The following TXNRD1 variants were observed in gnomAD, a reference collection of about 807,000 sequenced individuals.
TXNRD1 encodes thioredoxin reductase 1.
In TXNRD1, 57 loss-of-function variants were observed where a neutral mutation model predicts 80.3. The observed-to-expected ratio is 0.71, with a 90% CI of 0.57 to 0.89. TXNRD1 has a LOEUF of 0.89. Ranked by LOEUF, TXNRD1 falls within the 40% of genes least tolerant of loss-of-function variation. TXNRD1 has a pLI of 0.00. For synonymous variants in TXNRD1, 291 were observed against 285.2 expected (o/e 1.02, Z -0.20); for missense variants, 730 against 803.0 (o/e 0.91, Z 1.10).
intron 5 of TXNRD1, among the ~76,000 whole-genome samples, chr12:104,311,867 G>C (rs1218782979): frequency 1.3e-5 from 2 of 152,092 alleles, no homozygotes; most frequent in Non-Finnish European, 2.9e-5. Context: ...TGTAATCCCA[G>C]TTACTTGGGA....
intron 3 of TXNRD1, among the ~76,000 whole-genome samples, chr12:104,267,713 CTT>C (rs1201850301): frequency 1.9e-5 from 1 of 51,344 alleles, no homozygotes; most frequent in Non-Finnish European, 4.5e-5. Flanking sequence ...CTCTTTCTTT[CTT>C]TCTTTCTCTT....
intron 3 of TXNRD1, among the ~76,000 whole-genome samples, chr12:104,272,799 A>T (rs2033678928): frequency 6.6e-6 from 1 of 151,876 alleles, no homozygotes; most frequent in Non-Finnish European, 1.5e-5. Flanking sequence ...CTAAAAAAAA[A>T]AAAAGAAAAG....
intron 4 of TXNRD1, chr12:104,309,974 C>T: frequency 1.3e-6 from 2 of 1,536,274 alleles, no homozygotes; most frequent in Non-Finnish European, 1.7e-6. Context: ...TGTGCTTCCT[C>T]CTTCACATTG....
In TXNRD1 at chr12:104,313,277, C is replaced by T. The variant is rs369472745; in HGVS notation, c.570C>T (p.Val190=). 3 of 1,592,050 alleles carry T rather than the reference C, an allele frequency of 1.9e-6. No homozygotes were observed. Among genetic ancestry groups the T allele is most frequent in the African/African-American group, 2.7e-5 (2 of 74,542 alleles). Residue 190 remains valine (V), a synonymous_variant, in exon 6 of 17, where the codon GTC becomes GTT. Transcript: ENST00000525566. ...EAAQYGKKVM[V]LDFVTPTPLG... ...CCCAATATGGCAAGAAGGTGATGGT[C>T]CTGGACTTTGTCACTCCCACCCCTC...
chr12:104,339,760 A>G (rs1039929298), intron 16 of TXNRD1, among the ~76,000 whole-genome samples: 2 of 152,226 alleles, frequency 1.3e-5, no homozygotes, highest in African/African-American at 4.8e-5. Context: ...GTGATCATCC[A>G]AGAGTTGAAT....
At chr12:104,291,762 G>A (rs1002414038) in intron 4 of TXNRD1, among the ~76,000 whole-genome samples, 1 of 152,174 alleles carries the variant, frequency 6.6e-6, no homozygotes, top group East Asian at 1.9e-4. Flanking sequence ...GATTATGGGC[G>A]TGAGCCACCG....
chr12:104,244,027 C>T (rs1027066273), intron 1 of TXNRD1, among the ~76,000 whole-genome samples: 156 of 152,192 alleles, frequency 1.0e-3, no homozygotes, highest in African/African-American at 3.7e-3. Flanking sequence ...CAGTTTCCCC[C>T]AGTTAAGTTG....
intron 3 of TXNRD1, chr12:104,265,824 C>T (rs1434750564): frequency 8.1e-6 from 12 of 1,475,434 alleles, no homozygotes; most frequent in Non-Finnish European, 1.1e-5. Context: ...CCAAGAGGCC[C>T]AACACCTTCT....
intron 13 of TXNRD1, among the ~76,000 whole-genome samples, chr12:104,331,060 T>C (rs774829523): frequency 2.0e-5 from 3 of 151,998 alleles, no homozygotes; most frequent in Non-Finnish European, 4.4e-5. Context: ...AATTATAATA[T>C]CTATAATCTT....
chr12:104,301,938 A>C (rs1411095074), intron 4 of TXNRD1, among the ~76,000 whole-genome samples: 1 of 152,184 alleles, frequency 6.6e-6, no homozygotes, highest in African/African-American at 2.4e-5. Flanking sequence ...GAATCTGTGA[A>C]CTTAAATCTT....
chr12:104,326,694 G>A (rs1194000833), intron 12 of TXNRD1, among the ~76,000 whole-genome samples: 2 of 152,108 alleles, frequency 1.3e-5, no homozygotes, highest in African/African-American at 4.8e-5. Context: ...TCGAACTCCT[G>A]ACCTCAGGTG....
At chr12:104,341,637 T>C (rs1420957173) in intron 16 of TXNRD1, among the ~76,000 whole-genome samples, 1 of 144,526 alleles carries the variant, frequency 6.9e-6, no homozygotes, top group Non-Finnish European at 1.5e-5. Flanking sequence ...TCCAGCTTTC[T>C]AGACACCAGC....
intron 3 of TXNRD1, among the ~76,000 whole-genome samples, chr12:104,269,284 C>T (rs1163397370): frequency 6.6e-6 from 1 of 152,126 alleles, no homozygotes; most frequent in Non-Finnish European, 1.5e-5. Context: ...TTTGCTCATC[C>T]ATAAAAAGCA....
intron 1 of TXNRD1, among the ~76,000 whole-genome samples, chr12:104,238,670 A>C (rs2032790922): frequency 6.6e-6 from 1 of 152,144 alleles, no homozygotes; most frequent in Non-Finnish European, 1.5e-5. Flanking sequence ...TTCTATTAAT[A>C]TGATGTATTG....
intron 4 of TXNRD1, among the ~76,000 whole-genome samples, chr12:104,291,638 C>T (rs1047085134): frequency 1.4e-4 from 21 of 152,020 alleles, no homozygotes; most frequent in African/African-American, 4.8e-4. Flanking sequence ...CGCCTGCCAC[C>T]GTGCCTAGCT....
At chr12:104,339,880 G>A (rs537564044) in intron 16 of TXNRD1, among the ~76,000 whole-genome samples, 28 of 152,346 alleles carry the variant, frequency 1.8e-4, no homozygotes, top group Admixed American at 3.3e-4. Flanking sequence ...TATATATGGA[G>A]TTGAAAATTG....
chr12:104,277,902 A>T (rs1250548916), intron 3 of TXNRD1, among the ~76,000 whole-genome samples: 2 of 148,256 alleles, frequency 1.3e-5, no homozygotes, highest in Non-Finnish European at 3.0e-5. Flanking sequence ...TTTGAGACGA[A>T]GTCTCACTCT....
At chr12:104,321,890 G>C (rs1472554694) in intron 10 of TXNRD1, among the ~76,000 whole-genome samples, 3 of 152,130 alleles carry the variant, frequency 2.0e-5, no homozygotes, top group African/African-American at 7.2e-5. Context: ...TCATATATGA[G>C]TGACAAAATT....
intron 1 of TXNRD1, among the ~76,000 whole-genome samples, chr12:104,220,896 G>T (rs181025925): frequency 3.0e-4 from 45 of 152,270 alleles, no homozygotes; most frequent in African/African-American, 9.6e-4. Flanking sequence ...CTAGCTCTGA[G>T]CATTACTTTG....
Sources: gnomAD v4.1 joint callset for allele counts (sites outside exome capture counted in the v4.1 genomes callset) on GRCh38, gnomAD v4.1.1 for gene constraint, MANE v1.5 for transcripts, NCBI Gene and HGNC (gene_info 2026-07-23, HGNC 2026-07-21) for gene names.